The following SUCLG2 variants were observed in gnomAD, a reference collection of about 807,000 sequenced individuals.
The protein encoded by SUCLG2 is succinate--CoA ligase [GDP-forming] subunit beta, mitochondrial.
A neutral mutation model predicts 47.9 loss-of-function variants in SUCLG2; 42 were observed. The observed-to-expected ratio is 0.88, with a 90% CI of 0.69 to 1.14. SUCLG2 has a LOEUF of 1.14. Among genes scored for constraint, SUCLG2 ranks in the 50% most tolerant of loss-of-function variants. The pLI is 0.00. For missense variants in SUCLG2, 571 were observed against 525.9 expected (o/e 1.09, Z -0.84); for synonymous variants, 195 against 197.3 (o/e 0.99, Z 0.10).
At chr3:67,648,417 G>C (rs538918288) in intron 1 of SUCLG2, among the ~76,000 whole-genome samples, 10 of 152,336 alleles carry the variant, frequency 6.6e-5, no homozygotes, top group African/African-American at 2.2e-4. Context: ...CAAAAAGATG[G>C]GGAAAGGTAA....
downstream of SUCLG2, among the ~76,000 whole-genome samples, chr3:67,370,631 T>A (rs542733410): frequency 1.8e-4 from 27 of 152,362 alleles, no homozygotes; most frequent in South Asian, 5.6e-3. Context: ...CCTAGACATA[T>A]ATCCTTATGG....
intron 9 of SUCLG2, among the ~76,000 whole-genome samples, chr3:67,462,619 G>T (rs544419961): frequency 6.6e-6 from 1 of 152,110 alleles, no homozygotes; most frequent in South Asian, 2.1e-4. Flanking sequence ...TTCTTTATCT[G>T]TATCTTCTGT....
chr3:67,535,754 G>C (rs773986335), intron 2 of SUCLG2, among the ~76,000 whole-genome samples: 4 of 152,238 alleles, frequency 2.6e-5, no homozygotes, highest in Non-Finnish European at 5.9e-5. Context: ...AGCAAGAAAA[G>C]GCTGGAGCCT....
intron 10 of SUCLG2, among the ~76,000 whole-genome samples, chr3:67,376,732 G>A (rs752337320): frequency 2.0e-5 from 3 of 152,166 alleles, no homozygotes; most frequent in Non-Finnish European, 4.4e-5. Context: ...GAAATGGGTG[G>A]ATTGAAAAGA....
At chr3:67,368,571 T>G (rs1461834950) in intron 10 of SUCLG2, among the ~76,000 whole-genome samples, 1 of 152,082 alleles carries the variant, frequency 6.6e-6, no homozygotes, top group Non-Finnish European at 1.5e-5. Context: ...ATTTTATATG[T>G]TTCCATTTTT....
chr3:67,534,691 T>C (rs1299507430), intron 2 of SUCLG2, among the ~76,000 whole-genome samples: 2 of 142,076 alleles, frequency 1.4e-5, no homozygotes, highest in African/African-American at 5.2e-5. Flanking sequence ...AGTAAGCCAA[T>C]CTTACATTGT....
intron 9 of SUCLG2, among the ~76,000 whole-genome samples, chr3:67,420,727 T>TA (rs11425691): frequency 0.085 from 12,985 of 152,096 alleles, 657 homozygotes; most frequent in African/African-American, 0.13. Context: ...CATGATAAAG[T>TA]AAAAAACAAA....
rs1300341273 is a variant in SUCLG2 at position 67,375,700 on chromosome 3, A to G, written c.*44T>C. 1 of 1,570,384 alleles carries G rather than the reference A, an allele frequency of 6.4e-7. No homozygotes were observed. Among genetic ancestry groups the G allele is most frequent in the East Asian group, 2.3e-5 (1 of 43,718 alleles). Reference sequence around the variant, plus strand: ...TCACAATGATGAACCATCCCTTTTTACGGAAAAATGGCTTTCTTTCTCCAT... The same window carrying G: ...TCACAATGATGAACCATCCCTTTTTGCGGAAAAATGGCTTTCTTTCTCCAT... On this transcript the variant is annotated 3_prime_UTR_variant, in exon 11 of 11. Transcript: ENST00000307227.
intron 9 of SUCLG2, among the ~76,000 whole-genome samples, chr3:67,444,320 G>A (rs1194961093): frequency 7.7e-5 from 6 of 77,862 alleles, no homozygotes; most frequent in Middle Eastern, 9.8e-3. Context: ...CAGCCGCCCC[G>A]TCTGGGAGGG....
chr3:67,402,074 G>C (rs1442502136), intron 9 of SUCLG2, among the ~76,000 whole-genome samples: 1 of 152,196 alleles, frequency 6.6e-6, no homozygotes, highest in Non-Finnish European at 1.5e-5. Context: ...CAGCTCCCTA[G>C]ATTGTCTACT....
chr3:67,405,136 T>G (rs1702772823), intron 9 of SUCLG2, among the ~76,000 whole-genome samples: 1 of 152,218 alleles, frequency 6.6e-6, no homozygotes, highest in Non-Finnish European at 1.5e-5. Context: ...GATCATCTAA[T>G]GAGGCAGTTG....
At chr3:67,388,408 G>C (rs565080555) in intron 10 of SUCLG2, among the ~76,000 whole-genome samples, 3 of 152,278 alleles carry the variant, frequency 2.0e-5, no homozygotes, top group Non-Finnish European at 4.4e-5. Flanking sequence ...TCCTCGGATA[G>C]ATACAGGGTC....
chr3:67,637,741 AGAGAT>A (rs1701033501), intron 1 of SUCLG2, among the ~76,000 whole-genome samples: 1 of 152,128 alleles, frequency 6.6e-6, no homozygotes, highest in Non-Finnish European at 1.5e-5. Flanking sequence ...TTTTTTGGAG[AGAGAT>A]GACTTGCCCA....
chr3:67,599,796 C>T (rs138273804), intron 2 of SUCLG2, among the ~76,000 whole-genome samples: 12 of 151,236 alleles, frequency 7.9e-5, no homozygotes, highest in Admixed American at 7.2e-4. Context: ...TTAGCTTGTT[C>T]GATGTTGAAT....
intron 4 of SUCLG2, among the ~76,000 whole-genome samples, chr3:67,523,593 G>A (rs993731924): frequency 5.9e-5 from 9 of 152,070 alleles, no homozygotes; most frequent in African/African-American, 1.2e-4. Context: ...ACAACTTGTC[G>A]TTTATAGAAA....
chr3:67,488,334 T>A (rs1200599806), intron 9 of SUCLG2, among the ~76,000 whole-genome samples: 1 of 152,128 alleles, frequency 6.6e-6, no homozygotes, highest in Middle Eastern at 3.2e-3. Flanking sequence ...GAGACCATCT[T>A]TCCTAATTCC....
At chr3:67,365,528 T>C (rs1292245765) in intron 10 of SUCLG2, among the ~76,000 whole-genome samples, 3 of 152,194 alleles carry the variant, frequency 2.0e-5, no homozygotes, top group Non-Finnish European at 2.9e-5. Context: ...TGTAGAAATG[T>C]TTAAGACACT....
At chr3:67,620,581 T>C (rs1436737955) in intron 1 of SUCLG2, among the ~76,000 whole-genome samples, 1 of 32,182 alleles carries the variant, frequency 3.1e-5, no homozygotes, top group Non-Finnish European at 5.9e-5. Flanking sequence ...TGAGACTCCA[T>C]CTCAAAAAAA....
chr3:67,499,876 C>T (rs1259856424), intron 7 of SUCLG2, among the ~76,000 whole-genome samples: 1 of 152,070 alleles, frequency 6.6e-6, no homozygotes, highest in Non-Finnish European at 1.5e-5. Flanking sequence ...GGACTACAGG[C>T]ATGTGCCACC....
Sources: gnomAD v4.1 joint callset for allele counts (sites outside exome capture counted in the v4.1 genomes callset) on GRCh38, gnomAD v4.1.1 for gene constraint, MANE v1.5 for transcripts, NCBI Gene and HGNC (gene_info 2026-07-23, HGNC 2026-07-21) for gene names.